The following GALNT17 variants were observed in gnomAD, a reference collection of about 807,000 sequenced individuals.
GALNT17 encodes the protein polypeptide N-acetylgalactosaminyltransferase 17.
Under a neutral mutation model 63.7 loss-of-function variants are expected in GALNT17, and 29 were observed. That is an observed-to-expected ratio of 0.46 (90% CI 0.34 to 0.62). GALNT17 has a LOEUF of 0.62. Ranked by LOEUF, GALNT17 falls within the 20% of genes least tolerant of loss-of-function variation. The pLI is 0.01. For synonymous variants in GALNT17, 305 were observed against 318.3 expected (o/e 0.96, Z 0.45); for missense variants, 603 against 799.6 (o/e 0.75, Z 2.97).
chr7:71,630,334 A>C (rs1445686200), intron 6 of GALNT17, among the ~76,000 whole-genome samples: 4 of 152,188 alleles, frequency 2.6e-5, no homozygotes, highest in Admixed American at 2.6e-4. Context: ...CCGTGCCAAA[A>C]AAGCCAAGGA....
chr7:71,289,217 T>C (rs1790932837), intron 1 of GALNT17, among the ~76,000 whole-genome samples: 1 of 152,048 alleles, frequency 6.6e-6, no homozygotes. Flanking sequence ...TTTTTTTTTT[T>C]TTTTTGCAAT....
At chr7:71,587,431 C>T (rs1789735834) in intron 6 of GALNT17, among the ~76,000 whole-genome samples, 1 of 152,062 alleles carries the variant, frequency 6.6e-6, no homozygotes, top group Non-Finnish European at 1.5e-5. Context: ...ATTTGTGTAT[C>T]TCCTTTTGCC....
At chr7:71,701,868 T>TAC (rs1229165507) in intron 9 of GALNT17, among the ~76,000 whole-genome samples, 21 of 81,552 alleles carry the variant, frequency 2.6e-4, no homozygotes, top group East Asian at 1.3e-3. Flanking sequence ...CATATATATA[T>TAC]ACATATATAT....
At chr7:71,517,068 A>G (rs1191642536) in intron 5 of GALNT17, among the ~76,000 whole-genome samples, 1 of 152,168 alleles carries the variant, frequency 6.6e-6, no homozygotes, top group Non-Finnish European at 1.5e-5. Flanking sequence ...TGGGGATGTC[A>G]AAGTTCTCAT....
At chr7:71,705,467 A>C (rs1181229430) in intron 9 of GALNT17, among the ~76,000 whole-genome samples, 5 of 152,202 alleles carry the variant, frequency 3.3e-5, no homozygotes. Context: ...TTCCGTAGAA[A>C]GTTAAACATA....
At chr7:71,653,431 C>G (rs528337767) in intron 6 of GALNT17, among the ~76,000 whole-genome samples, 3 of 149,606 alleles carry the variant, frequency 2.0e-5, no homozygotes, top group Non-Finnish European at 4.4e-5. Flanking sequence ...TTTTTTAAGA[C>G]TTTCTCTCTT....
At chr7:71,610,574 G>T (rs1411111623) in intron 6 of GALNT17, among the ~76,000 whole-genome samples, 3 of 152,126 alleles carry the variant, frequency 2.0e-5, no homozygotes, top group Non-Finnish European at 2.9e-5. Flanking sequence ...AAAAATTATT[G>T]CCAGTGACAA....
At chr7:71,565,462 C>T (rs796487929) in intron 5 of GALNT17, among the ~76,000 whole-genome samples, 5 of 152,140 alleles carry the variant, frequency 3.3e-5, no homozygotes, top group African/African-American at 1.2e-4. Context: ...CTTCCTCTCT[C>T]TAGCACTTCA....
intron 6 of GALNT17, among the ~76,000 whole-genome samples, chr7:71,642,051 C>G (rs1224943205): frequency 6.6e-6 from 1 of 152,130 alleles, no homozygotes; most frequent in African/African-American, 2.4e-5. Flanking sequence ...CATCAGCTGT[C>G]CCCCCACTAT....
intron 5 of GALNT17, among the ~76,000 whole-genome samples, chr7:71,463,420 A>G (rs1222465938): frequency 6.6e-6 from 1 of 152,164 alleles, no homozygotes; most frequent in Non-Finnish European, 1.5e-5. Context: ...AGCCTGATTA[A>G]TGCTTATGTT....
At chr7:71,187,828 G>A (rs962760039) in intron 1 of GALNT17, among the ~76,000 whole-genome samples, 1 of 152,028 alleles carries the variant, frequency 6.6e-6, no homozygotes, top group African/African-American at 2.4e-5. Flanking sequence ...TGAAATTTTG[G>A]CGCACCTATC....
intron 1 of GALNT17, among the ~76,000 whole-genome samples, chr7:71,234,301 G>A (rs543274854): frequency 3.3e-5 from 5 of 152,042 alleles, no homozygotes; most frequent in South Asian, 4.2e-4. Context: ...TCACTCTGTC[G>A]CCCAGGCTGG....
Position 71,132,973 on chromosome 7 carries a change from C to T in GALNT17, c.171C>T (p.Ser57=). The T allele has an allele frequency of 6.2e-7, 1 of 1,609,314 alleles. No homozygotes were observed. The highest frequency in any genetic ancestry group is 1.1e-5 in the South Asian group (1 of 90,898). The part of the protein sequence containing the change: ...EVANLSAHSA[S]PIQDAVLKRL... Reference sequence around the variant, plus strand: ...CCAACCTCAGCGCGCACAGCGCCAGCCCCATCCAGGATGCGGTCCTGAAGC... The same window carrying T: ...CCAACCTCAGCGCGCACAGCGCCAGTCCCATCCAGGATGCGGTCCTGAAGC... The change falls in exon 1 of 11, where the codon AGC becomes AGT. Residue 57 remains serine (S), a synonymous_variant. Transcript: ENST00000333538.
At position 71,446,214 on chromosome 7, in the gene GALNT17, G is replaced by A. The variant is rs113637780; in HGVS notation, c.962+25109G>A. 7.9e-3 allele frequency among the ~76,000 whole-genome samples: 1,204 copies of A among 152,154 alleles called. 14 individuals are homozygous for A. The highest frequency in any genetic ancestry group is 0.028 in the African/African-American group (1,142 of 41,518). The stretch of plus-strand genomic sequence containing the variant: ...TAGAGAAGAACAAGACCAGAGCCTA[G>A]GAGACCAATCACTTTAAAAATTATA... On this transcript the variant is annotated intron_variant, in intron 5 of 10. Transcript: ENST00000333538.
intron 6 of GALNT17, among the ~76,000 whole-genome samples, chr7:71,620,382 C>A (rs1790273109): frequency 1.3e-5 from 2 of 152,100 alleles, no homozygotes; most frequent in African/African-American, 4.8e-5. Flanking sequence ...TTTCTTTGTA[C>A]TTCTGGTAGA....
chr7:71,417,757 G>A (rs1339596926), intron 4 of GALNT17, among the ~76,000 whole-genome samples: 3 of 152,122 alleles, frequency 2.0e-5, no homozygotes, highest in African/African-American at 7.2e-5. Flanking sequence ...TCTTTTCCTT[G>A]GCATCATTGC....
intron 6 of GALNT17, among the ~76,000 whole-genome samples, chr7:71,633,091 G>A (rs148834801): frequency 0.017 from 2,184 of 127,060 alleles, 58 homozygotes; most frequent in African/African-American, 0.061. Flanking sequence ...GCGACAGAGT[G>A]AGACTCTGTC....
intron 2 of GALNT17, among the ~76,000 whole-genome samples, chr7:71,377,950 T>C (rs2116307273): frequency 6.6e-6 from 1 of 152,314 alleles, no homozygotes. Context: ...TAAACCTCTT[T>C]CCTTTATAAA....
chr7:71,583,163 C>T (rs1165947969), intron 6 of GALNT17, among the ~76,000 whole-genome samples: 5 of 152,112 alleles, frequency 3.3e-5, no homozygotes, highest in Admixed American at 6.6e-5. Flanking sequence ...AGCAGGATCG[C>T]GACTCACTGC....
Sources: gnomAD v4.1 joint callset for allele counts (sites outside exome capture counted in the v4.1 genomes callset) on GRCh38, gnomAD v4.1.1 for gene constraint, MANE v1.5 for transcripts, NCBI Gene and HGNC (gene_info 2026-07-23, HGNC 2026-07-21) for gene names.